Variants in CUX1 observed in about 807,000 individuals in gnomAD.
The protein encoded by CUX1 is cut like homeobox 1.
In CUX1, 31 loss-of-function variants were observed where a neutral mutation model predicts 158.8. The observed-to-expected ratio is 0.20, with a 90% CI of 0.15 to 0.26. CUX1 has a LOEUF of 0.26. Ranked by LOEUF, CUX1 falls within the 10% of genes least tolerant of loss-of-function variation. The probability of loss-of-function intolerance (pLI) is 1.00; values close to 1 mark genes in which losing one functional copy is unlikely to be tolerated. For missense variants in CUX1, 1,589 were observed against 2,014.6 expected, an observed-to-expected ratio of 0.79 and a Z score of 4.04; for synonymous variants, 879 against 862.1, an observed-to-expected ratio of 1.02 and a Z score of -0.34.
At chr7:102,116,795 A>G (rs1378712694) in intron 8 of CUX1, among the ~76,000 whole-genome samples, 1 of 152,190 alleles carries the variant, frequency 6.6e-6, no homozygotes, top group Non-Finnish European at 1.5e-5. Context: ...AGTAAGAAAC[A>G]TTCTTGTCTC....
intron 8 of CUX1, among the ~76,000 whole-genome samples, chr7:102,123,452 A>G (rs564591338): frequency 2.0e-5 from 3 of 151,440 alleles, no homozygotes; most frequent in African/African-American, 7.3e-5. Context: ...TACTAAAAAT[A>G]TAAAAAATGA....
At chr7:101,939,128 T>G (rs1470223816) in intron 2 of CUX1, among the ~76,000 whole-genome samples, 1 of 125,594 alleles carries the variant, frequency 8.0e-6, no homozygotes, top group Non-Finnish European at 1.6e-5. Context: ...GGTTCCACTG[T>G]CCCCCCTATT....
chr7:101,904,028 C>G (rs369223022), intron 1 of CUX1, among the ~76,000 whole-genome samples: 1 of 151,966 alleles, frequency 6.6e-6, no homozygotes, highest in Non-Finnish European at 1.5e-5. Flanking sequence ...TCCGGTCACT[C>G]GCACCTGTAA....
chr7:101,945,955 A>G (rs928924994), intron 2 of CUX1, among the ~76,000 whole-genome samples: 1 of 152,212 alleles, frequency 6.6e-6, no homozygotes, highest in African/African-American at 2.4e-5. Flanking sequence ...GCTTATTTAA[A>G]GAATGAGTTC....
intron 1 of CUX1, among the ~76,000 whole-genome samples, chr7:101,898,261 T>A (rs1801737265): frequency 6.6e-6 from 1 of 152,234 alleles, no homozygotes. Flanking sequence ...AGTCACTCTT[T>A]AAGAGCCTTA....
intron 8 of CUX1, among the ~76,000 whole-genome samples, chr7:102,149,844 A>G (rs1178508442): frequency 1.3e-5 from 2 of 151,826 alleles, no homozygotes; most frequent in Non-Finnish European, 2.9e-5. Flanking sequence ...CCCTGTCTCC[A>G]CCGCTTCAGC....
At chr7:101,892,447 A>G (rs1800981657) in intron 1 of CUX1, among the ~76,000 whole-genome samples, 1 of 152,106 alleles carries the variant, frequency 6.6e-6, no homozygotes, top group South Asian at 2.1e-4. Flanking sequence ...GCTTCTAATT[A>G]CCCTCATTTA....
chr7:101,933,876 T>C (rs1181590796), intron 2 of CUX1, among the ~76,000 whole-genome samples: 4 of 152,200 alleles, frequency 2.6e-5, no homozygotes, highest in African/African-American at 9.6e-5. Flanking sequence ...TGTAGCGCTT[T>C]CCTTTGAAAT....
At chr7:101,827,977 T>G (rs1793557147) in intron 1 of CUX1, among the ~76,000 whole-genome samples, 2 of 147,928 alleles carry the variant, frequency 1.4e-5, no homozygotes, top group Admixed American at 1.3e-4. Context: ...TAACTTGTTT[T>G]TTTTTTTTTT....
intron 1 of CUX1, among the ~76,000 whole-genome samples, chr7:101,881,364 C>T (rs1799686572): frequency 1.3e-5 from 2 of 152,190 alleles, no homozygotes; most frequent in South Asian, 4.1e-4. Flanking sequence ...CATGTACAGA[C>T]CAGTTTTTAC....
In CUX1 at chr7:102,002,542, C is replaced by T. The variant is rs145886522; in HGVS notation, c.142-25556C>T. On this transcript the variant is annotated intron_variant, in intron 2 of 23. Coordinates refer to ENST00000292535, the MANE Select transcript of CUX1 (RefSeq NM_181552.4). Reference sequence around the variant, plus strand: ...TCAGGTCCCATATGGCACTTACTAGCGAGAGTTCCGAGTGGCCAGTCCCCT... The same window carrying T: ...TCAGGTCCCATATGGCACTTACTAGTGAGAGTTCCGAGTGGCCAGTCCCCT... Among the ~76,000 whole-genome samples the T allele has an allele frequency of 9.1e-3, 1,390 of 152,260 alleles. 18 individuals are homozygous for T. The highest frequency in any genetic ancestry group is 0.032 in the African/African-American group (1,314 of 41,550).
In CUX1 at chr7:102,201,309, C is replaced by T. The variant is rs781904320; in HGVS notation, c.2063-51C>T. 1.9e-6 allele frequency: 3 copies of T among 1,580,436 alleles called. No individual in the cohort carries two copies. Among genetic ancestry groups the T allele is most frequent in the Middle Eastern group, 1.7e-4 (1 of 5,892 alleles). On this transcript the variant is annotated intron_variant, in intron 17 of 23. Coordinates refer to ENST00000292535, the MANE Select transcript of CUX1 (RefSeq NM_181552.4). The surrounding 1 kb of genome is among the most constrained non-coding windows in gnomAD (Gnocchi z 5.0). ...CAAGTTAGGATGAGAAGCATGTCCC[C>T]AGCTGAAGGGGGCCGCCCTGCCACA... is the stretch of plus-strand genomic sequence containing the variant.
chr7:102,072,360 T>C (rs1563205115), intron 4 of CUX1, among the ~76,000 whole-genome samples: 1 of 152,180 alleles, frequency 6.6e-6, no homozygotes, highest in Non-Finnish European at 1.5e-5. Context: ...AGTGAAGTTA[T>C]AAAGGTCACA....
At chr7:102,127,298 C>G (rs897125235) in intron 8 of CUX1, among the ~76,000 whole-genome samples, 1 of 152,198 alleles carries the variant, frequency 6.6e-6, no homozygotes, top group Non-Finnish European at 1.5e-5. Flanking sequence ...CCTCCAACTC[C>G]TGGGCTTGAG....
intron 1 of CUX1, among the ~76,000 whole-genome samples, chr7:101,842,643 C>A (rs1795288377): frequency 6.6e-6 from 1 of 152,162 alleles, no homozygotes; most frequent in African/African-American, 2.4e-5. Context: ...GCCTCAGCCT[C>A]CCAAAGTGTT....
intron 5 of CUX1, 62 bp from the exon 6 acceptor site, chr7:102,104,274 C>T (rs1830100569): frequency 2.6e-6 from 4 of 1,512,256 alleles, no homozygotes; most frequent in African/African-American, 1.4e-5. Flanking sequence ...GAGCCTTGTA[C>T]CTACAGCCAT....
intron 14 of CUX1, 114 bp from the exon 15 acceptor site, chr7:102,196,520 C>A: frequency 9.8e-7 from 1 of 1,017,440 alleles, no homozygotes; most frequent in Non-Finnish European, 1.4e-6. Flanking sequence ...TAAAAAAAAC[C>A]TGCACTTTTT....
intron 2 of CUX1, among the ~76,000 whole-genome samples, chr7:102,000,470 A>C (rs1026798535): frequency 3.3e-5 from 5 of 152,222 alleles, no homozygotes; most frequent in Non-Finnish European, 7.3e-5. Flanking sequence ...AGTTCTAAAG[A>C]TTTTTAAACA....
chr7:101,965,450 TG>T (rs756594106), intron 2 of CUX1, among the ~76,000 whole-genome samples: 89 of 151,858 alleles, frequency 5.9e-4, no homozygotes, highest in Non-Finnish European at 7.7e-4. Flanking sequence ...GGCATGGTGG[TG>T]GGGGAAGGGC....
Sources: gnomAD v4.1 joint callset for allele counts (sites outside exome capture counted in the v4.1 genomes callset) on GRCh38, gnomAD v4.1.1 for gene constraint, Gnocchi (gnomAD v3.1) non-coding constraint, MANE v1.5 for transcripts, NCBI Gene and HGNC (gene_info 2026-07-23, HGNC 2026-07-21) for gene names.